The following ART3 variants were observed in gnomAD, a reference collection of about 807,000 sequenced individuals.
ART3 encodes ADP-ribosyltransferase 3 (inactive), also known as ecto-ADP-ribosyltransferase 3.
Under a neutral mutation model 48.5 loss-of-function variants are expected in ART3, and 49 were observed. That is an observed-to-expected ratio of 1.01 (90% CI 0.80 to 1.28). The LOEUF (loss-of-function observed/expected upper bound fraction) is 1.28, where lower values mean the gene tolerates loss of function less well. Ranked by LOEUF, ART3 falls within the 50% of genes most tolerant of loss-of-function variation. ART3 has a pLI of 0.00. For missense variants in ART3, 438 were observed against 454.3 expected (o/e 0.96, Z 0.33); for synonymous variants, 145 against 157.2 (o/e 0.92, Z 0.58).
chr4:76,022,551 C>G, intron 1 of ART3: 1 of 1,484,424 alleles, frequency 6.7e-7, no homozygotes, highest in Non-Finnish European at 9.3e-7. Flanking sequence ...TTAAGTTTCA[C>G]TCTGCATGTT....
intron 2 of ART3, among the ~76,000 whole-genome samples, chr4:76,078,907 C>T (rs1578446685): frequency 1.3e-5 from 2 of 152,104 alleles, no homozygotes; most frequent in South Asian, 2.1e-4. Context: ...GGTGAAACCC[C>T]GTCTCTACTA....
At chr4:76,066,977 A>G (rs73825733) in intron 1 of ART3, among the ~76,000 whole-genome samples, 3,806 of 152,234 alleles carry the variant, frequency 0.025, 148 homozygotes, top group African/African-American at 0.084. Flanking sequence ...GTCTGCTGCC[A>G]TAGTTTGGGC....
chr4:76,041,245 A>G (rs1002139184), intron 1 of ART3: 1 of 152,204 alleles, frequency 6.6e-6, no homozygotes, highest in South Asian at 2.1e-4. Context: ...TTCTGGCTCT[A>G]TACTCTCTGA....
intron 2 of ART3, among the ~76,000 whole-genome samples, chr4:76,076,609 T>G (rs748483398): frequency 1.7e-4 from 26 of 152,336 alleles, no homozygotes; most frequent in Middle Eastern, 3.4e-3. Context: ...ACATAGAATT[T>G]TTTCTTTGCA....
rs115804892 is a variant in ART3 at position 76,105,958 on chromosome 4, A to T, written c.1003+1329A>T. 7,331 of 985,314 alleles carry T rather than the reference A, an allele frequency of 7.4e-3. 283 individuals carry two copies. In the African/African-American group the frequency reaches 0.099, roughly 13 times the overall value. The allele number at this position is 985,314 out of a possible 1,614,324, so 61.0% of individuals were successfully genotyped here. A position where few individuals can be genotyped will look rare whatever the true frequency, so the allele number is the denominator to read the frequency against. ...CTGTGTGCTCCTCACCACACTCTAC[A>T]ATCGTCCAGTAGGCCACTAGATTTT... On this transcript the variant is annotated intron_variant, in intron 10 of 11. Transcript: ENST00000355810.
chr4:76,040,674 AGAG>A (rs1181105935), intron 1 of ART3, among the ~76,000 whole-genome samples: 2 of 152,048 alleles, frequency 1.3e-5, no homozygotes, highest in African/African-American at 4.8e-5. Context: ...GTATGACCCT[AGAG>A]GAGGGGGCTA....
chr4:76,095,806 T>C (rs1159706523), intron 3 of ART3, among the ~76,000 whole-genome samples: 1 of 152,214 alleles, frequency 6.6e-6, no homozygotes, highest in Non-Finnish European at 1.5e-5. Context: ...GTCCCCAGGC[T>C]GCACCTTTCA....
intron 1 of ART3, among the ~76,000 whole-genome samples, chr4:76,062,855 C>T (rs1010011793): frequency 1.6e-4 from 24 of 152,080 alleles, no homozygotes; most frequent in African/African-American, 4.6e-4. Context: ...CCACCGAGCC[C>T]GGCCCCAAGT....
chr4:76,066,749 C>G (rs1200900074), intron 1 of ART3, among the ~76,000 whole-genome samples: 1 of 152,052 alleles, frequency 6.6e-6, no homozygotes, highest in East Asian at 1.9e-4. Flanking sequence ...GCCTTCAGGC[C>G]CTCCCTGACC....
intron 1 of ART3, among the ~76,000 whole-genome samples, chr4:76,018,715 C>T (rs1429833118): frequency 6.6e-6 from 1 of 152,126 alleles, no homozygotes; most frequent in Non-Finnish European, 1.5e-5. Flanking sequence ...AAAAGTGAAT[C>T]TAAACAAAGC....
chr4:76,021,786 C>A, intron 1 of ART3: 2 of 783,476 alleles, frequency 2.6e-6, no homozygotes, highest in African/African-American at 1.7e-5. Context: ...GATTTGGTGA[C>A]CATCATTGGT....
intron 1 of ART3, among the ~76,000 whole-genome samples, chr4:76,020,748 G>A (rs1349863285): frequency 6.6e-6 from 1 of 152,166 alleles, no homozygotes; most frequent in Non-Finnish European, 1.5e-5. Flanking sequence ...CAGCTTCTCT[G>A]GAGGCTGAGG....
rs192824691 is a variant in ART3 at position 76,032,875 on chromosome 4, C to T, written c.-10+21555C>T. ...TGCTGGGATTACAGATGTGAGCCAT[C>T]GCACCCAGCCAGATTCAGGTCTTAA... On this transcript the variant is annotated intron_variant, in intron 1 of 9. Coordinates refer to the ART3 transcript ENST00000341029. 4.6e-5 allele frequency among the ~76,000 whole-genome samples: 7 copies of T among 151,974 alleles called. No individual in the cohort carries two copies. The South Asian group carries it at 6.2e-4, about 14-fold the overall frequency.
At chr4:76,029,119 T>C (rs185939591) in intron 1 of ART3, among the ~76,000 whole-genome samples, 2 of 152,358 alleles carry the variant, frequency 1.3e-5, no homozygotes, top group East Asian at 3.9e-4. Context: ...AATGTCTAGT[T>C]TTAATTTTAA....
upstream of ART3, among the ~76,000 whole-genome samples, chr4:76,070,467 A>G (rs1720200426): frequency 1.3e-5 from 2 of 152,192 alleles, 1 homozygote; most frequent in Admixed American, 1.3e-4. Flanking sequence ...TCATTTATAT[A>G]TCTTCCTTTG....
At chr4:76,022,699 A>G (rs1204627210) in intron 1 of ART3, 1 of 1,613,394 alleles carries the variant, frequency 6.2e-7, no homozygotes, top group Non-Finnish European at 8.5e-7. Flanking sequence ...ACATGATCTC[A>G]ACACGTGGAC....
chr4:76,048,642 T>C (rs1316083806), intron 1 of ART3, among the ~76,000 whole-genome samples: 4 of 151,880 alleles, frequency 2.6e-5, no homozygotes, highest in Non-Finnish European at 5.9e-5. Flanking sequence ...ACCCTGCTGA[T>C]CAGAATAGTT....
intron 2 of ART3, among the ~76,000 whole-genome samples, chr4:76,078,953 C>T (rs563806642): frequency 6.6e-6 from 1 of 152,040 alleles, no homozygotes; most frequent in Non-Finnish European, 1.5e-5. Flanking sequence ...TGGTGGCGGG[C>T]GTCTGTAGTC....
intron 1 of ART3, among the ~76,000 whole-genome samples, chr4:76,052,944 G>T (rs6532155): frequency 0.58 from 88,315 of 151,152 alleles, 26,602 homozygotes; most frequent in East Asian, 0.94. Context: ...GGCAAGGCTG[G>T]TCTCAAACTC....
Sources: allele counts gnomAD v4.1 joint callset (sites outside exome capture counted in the v4.1 genomes callset), GRCh38; gene constraint gnomAD v4.1.1; transcripts MANE v1.5; gene names NCBI Gene and HGNC (gene_info 2026-07-23, HGNC 2026-07-21).